The following CRPPA variants were observed in gnomAD, a reference collection of about 807,000 sequenced individuals.
The protein encoded by CRPPA is CDP-L-ribitol pyrophosphorylase A, also known as D-ribitol-5-phosphate cytidylyltransferase.
A neutral mutation model predicts 52.0 loss-of-function variants in CRPPA; 43 were observed. That is an observed-to-expected ratio of 0.83 (90% confidence interval 0.65 to 1.07). CRPPA has a LOEUF of 1.07. Among genes scored for constraint, CRPPA ranks in the 50% least tolerant of loss-of-function variants. The pLI is 0.00. For synonymous variants in CRPPA, 250 were observed against 203.5 expected (o/e 1.23, Z -1.94); for missense variants, 629 against 551.7 (o/e 1.14, Z -1.40).
intron 9 of CRPPA, among the ~76,000 whole-genome samples, chr7:16,203,186 T>G (rs986662972): frequency 2.0e-5 from 3 of 152,168 alleles, no homozygotes; most frequent in Non-Finnish European, 2.9e-5. Flanking sequence ...CTTTAGTGTC[T>G]TTATCTTACT....
chr7:16,123,614 C>T (rs1209450326), intron 9 of CRPPA, among the ~76,000 whole-genome samples: 2 of 152,108 alleles, frequency 1.3e-5, no homozygotes, highest in African/African-American at 4.8e-5. Flanking sequence ...TGATGATAAA[C>T]TCTAAGATAT....
intron 9 of CRPPA, among the ~76,000 whole-genome samples, chr7:16,140,999 C>T (rs554621422): frequency 2.6e-5 from 4 of 152,234 alleles, no homozygotes; most frequent in East Asian, 3.9e-4. Flanking sequence ...ATATTAAGAA[C>T]CTTGCCTAGA....
chr7:16,145,057 CA>C (rs1484882106), intron 9 of CRPPA, among the ~76,000 whole-genome samples: 2 of 152,158 alleles, frequency 1.3e-5, no homozygotes, highest in Non-Finnish European at 2.9e-5. Context: ...CAGCAGGAGT[CA>C]AAACCATAAG....
intron 1 of CRPPA, among the ~76,000 whole-genome samples, chr7:16,419,114 G>A (rs1444491149): frequency 6.6e-6 from 1 of 152,142 alleles, no homozygotes; most frequent in Non-Finnish European, 1.5e-5. Flanking sequence ...ACTACCCAGA[G>A]AAATGGAATA....
At chr7:16,183,364 T>C (rs1437187595) in intron 9 of CRPPA, among the ~76,000 whole-genome samples, 1 of 152,166 alleles carries the variant, frequency 6.6e-6, no homozygotes, top group East Asian at 1.9e-4. Context: ...TTTTCCCCCA[T>C]GGCCATACTG....
At chr7:16,185,279 T>C (rs1781484254) in intron 9 of CRPPA, among the ~76,000 whole-genome samples, 1 of 152,062 alleles carries the variant, frequency 6.6e-6, no homozygotes, top group African/African-American at 2.4e-5. Context: ...ATTTCAGATC[T>C]CATGAGACTT....
At chr7:16,269,222 A>G (rs1364245860) in intron 6 of CRPPA, 1 of 151,898 alleles carries the variant, frequency 6.6e-6, no homozygotes, top group Non-Finnish European at 1.5e-5. Flanking sequence ...GGTGAAAGAC[A>G]TGCGCAAATG....
intron 5 of CRPPA, among the ~76,000 whole-genome samples, chr7:16,286,095 A>ATATATATATATATAT (rs1554309930): frequency 1.9e-4 from 5 of 26,528 alleles, no homozygotes; most frequent in Non-Finnish European, 1.9e-4. Flanking sequence ...TTTAAAAAAA[A>ATATATATATATATAT]AAATATATAT....
intron 9 of CRPPA, among the ~76,000 whole-genome samples, chr7:16,167,394 A>G (rs964326861): frequency 2.0e-5 from 3 of 152,184 alleles, no homozygotes; most frequent in Non-Finnish European, 4.4e-5. Flanking sequence ...TTCTTTGGAT[A>G]TTTTCTGTCA....
intron 3 of CRPPA, among the ~76,000 whole-genome samples, chr7:16,365,631 A>ATC (rs1430599041): frequency 1.3e-5 from 2 of 152,314 alleles, no homozygotes; most frequent in Non-Finnish European, 2.9e-5. Context: ...TAAAGATGAA[A>ATC]AAGGCAGGTG....
intron 2 of CRPPA, among the ~76,000 whole-genome samples, chr7:16,399,536 G>C (rs1382170997): frequency 6.6e-6 from 1 of 152,014 alleles, no homozygotes; most frequent in Admixed American, 6.6e-5. Flanking sequence ...ACACGTGACT[G>C]ACACGAGATT....
At chr7:16,282,080 T>C (rs1344661082) in intron 5 of CRPPA, among the ~76,000 whole-genome samples, 2 of 152,134 alleles carry the variant, frequency 1.3e-5, no homozygotes, top group Non-Finnish European at 2.9e-5. Context: ...ATTTTCTTCC[T>C]TCCACTATCT....
intron 2 of CRPPA, among the ~76,000 whole-genome samples, chr7:16,399,241 T>G (rs1344405431): frequency 1.3e-5 from 2 of 152,160 alleles, no homozygotes; most frequent in Admixed American, 1.3e-4. Flanking sequence ...TTGACAGGAT[T>G]GAATCGCACA....
intron 3 of CRPPA, among the ~76,000 whole-genome samples, chr7:16,319,374 C>T (rs150405405): frequency 6.6e-6 from 1 of 152,088 alleles, no homozygotes; most frequent in African/African-American, 2.4e-5. Flanking sequence ...AGTCATTCAG[C>T]CATCATCCTA....
chr7:16,110,658 G>C (rs1782242063), intron 9 of CRPPA, among the ~76,000 whole-genome samples: 1 of 152,032 alleles, frequency 6.6e-6, no homozygotes, highest in Admixed American at 6.6e-5. Flanking sequence ...ACAGTCAATT[G>C]ATTTTTGACA....
intron 9 of CRPPA, among the ~76,000 whole-genome samples, chr7:16,167,318 G>A (rs1781089378): frequency 6.6e-6 from 1 of 152,110 alleles, no homozygotes; most frequent in Admixed American, 6.5e-5. Flanking sequence ...ACCTGTTTGG[G>A]TTGAGCTGAT....
intron 3 of CRPPA, among the ~76,000 whole-genome samples, chr7:16,362,207 A>G (rs1006429396): frequency 1.3e-5 from 2 of 152,218 alleles, no homozygotes; most frequent in Non-Finnish European, 2.9e-5. Flanking sequence ...GACCACTATA[A>G]CAAAATACCA....
At chr7:16,118,824 C>T (rs1164380669) in intron 9 of CRPPA, among the ~76,000 whole-genome samples, 3 of 152,132 alleles carry the variant, frequency 2.0e-5, no homozygotes, top group Admixed American at 6.6e-5. Flanking sequence ...AATGGACAAG[C>T]TTTTGTTTTT....
intron 9 of CRPPA, among the ~76,000 whole-genome samples, chr7:16,177,232 G>C (rs373548203): frequency 1.3e-5 from 2 of 152,028 alleles, no homozygotes; most frequent in East Asian, 3.9e-4. Context: ...TTGTGCTGGT[G>C]GTTGCTCAAT....
Sources: gnomAD v4.1 joint callset for allele counts (sites outside exome capture counted in the v4.1 genomes callset) on GRCh38, gnomAD v4.1.1 for gene constraint, MANE v1.5 for transcripts, NCBI Gene and HGNC (gene_info 2026-07-23, HGNC 2026-07-21) for gene names.